AWAT2: variants seen among roughly 807,000 people sequenced by gnomAD.
The protein encoded by AWAT2 is 11-cis-RE-synthase.
Under a neutral mutation model 22.3 loss-of-function variants are expected in AWAT2, and 9 were observed. That is an observed-to-expected ratio of 0.40 (90% CI 0.24 to 0.70). The LOEUF is 0.70. Among genes scored for constraint, AWAT2 ranks in the 30% least tolerant of loss-of-function variants. The pLI is 0.36. For missense variants in AWAT2, 217 were observed against 265.9 expected (o/e 0.82, Z 1.28); for synonymous variants, 100 against 93.4 (o/e 1.07, Z -0.40).
chrX:70,043,827 C>G, intron 3 of AWAT2, 99 bp downstream of exon 3: 1 of 1,024,554 alleles, frequency 9.8e-7, no homozygotes, highest in Non-Finnish European at 1.3e-6. Flanking sequence ...TCTCAAGAGG[C>G]TCAATGTGGA....
chrX:70,042,989 T>A (rs2020338987), intron 5 of AWAT2, 80 bp downstream of exon 5: 1 of 912,472 alleles, frequency 1.1e-6, no homozygotes, highest in South Asian at 2.7e-5. Flanking sequence ...GTGGATGTCC[T>A]TTCATCAAAA....
chrX:70,046,250 C>T (rs1023112657), intron 1 of AWAT2, among the ~76,000 whole-genome samples: 1 of 111,567 alleles, frequency 9.0e-6, no homozygotes, highest in Admixed American at 9.5e-5. Context: ...CAATTCATTT[C>T]AGTTTACGGT....
At chrX:70,046,251 A>G (rs1370930114) in intron 1 of AWAT2, among the ~76,000 whole-genome samples, 1 of 111,891 alleles carries the variant, frequency 8.9e-6, no homozygotes, top group Non-Finnish European at 1.9e-5. Flanking sequence ...AATTCATTTC[A>G]GTTTACGGTA....
In AWAT2 at chrX:70,043,452, G is replaced by T. The variant is rs1294448458; in HGVS notation, c.472+26C>A. The stretch of plus-strand genomic sequence containing the variant: ...CCCTTGGGGAGCCATTTTTTCTTTG[G>T]CTTTGTGTCCTAGGAGCCAACTTAC... On this transcript the variant is annotated intron_variant, in intron 4 of 7. Coordinates refer to ENST00000276101, the MANE Select transcript of AWAT2 (RefSeq NM_001002254.1). The T allele has an allele frequency of 5.1e-6, 6 of 1,180,468 alleles. No homozygotes were observed. The Admixed American group carries it at 9.2e-5, about 18-fold the overall frequency.
intron 1 of AWAT2, among the ~76,000 whole-genome samples, chrX:70,046,601 C>G (rs1421184014): frequency 9.0e-6 from 1 of 111,048 alleles, no homozygotes; most frequent in Admixed American, 9.6e-5. Flanking sequence ...GATGGGGTTT[C>G]ACCATGTTGG....
At chrX:70,043,421 A>T in intron 4 of AWAT2, 57 bp downstream of exon 4, 1 of 1,101,343 alleles carries the variant, frequency 9.1e-7, no homozygotes, top group African/African-American at 1.8e-5. Flanking sequence ...ATCCCCCTAC[A>T]ATTCTCCCTT....
At chrX:70,048,261 C>T (rs1043537445) in intron 1 of AWAT2, among the ~76,000 whole-genome samples, 1 of 111,339 alleles carries the variant, frequency 9.0e-6, no homozygotes, top group Non-Finnish European at 1.9e-5. Flanking sequence ...CATGGCTCCA[C>T]ATGGCTCTCA....
Position 70,042,401 on chromosome X carries a change from C to T in AWAT2, c.648-15G>A, listed in dbSNP as rs372751672. On this transcript the variant is annotated splice_polypyrimidine_tract_variant and intron_variant, in intron 5 of 7. Transcript: ENST00000276101. ...TTAGAGGCACCCTGCAGAGCAAAAG[C>T]ATATCTTCTGAAGCCCAGAAAGGTA... is the stretch of plus-strand genomic sequence containing the variant. 9.2e-5 allele frequency: 111 copies of T among 1,202,106 alleles called. No homozygotes were observed. The highest frequency in any genetic ancestry group is 1.2e-4 in the Non-Finnish European group (107 of 887,940).
chrX:70,042,664 G>A (rs1422103979), intron 5 of AWAT2: 1 of 425,210 alleles, frequency 2.4e-6, no homozygotes, highest in Non-Finnish European at 4.1e-6. Context: ...GGCCATGCCA[G>A]TTGATTTTCT....
Position 70,043,110 on chromosome X carries a change from C to T in AWAT2, c.606G>A (p.Leu202=), listed in dbSNP as rs757554620. 18 of 1,195,427 alleles carry T rather than the reference C, an allele frequency of 1.5e-5. No individual in the cohort carries two copies. In the East Asian group the frequency reaches 5.1e-4, roughly 34 times the overall value. The change falls in exon 5 of 8, where the codon TTG becomes TTA. Residue 202 remains leucine (L), a synonymous_variant. Coordinates refer to ENST00000276101, the MANE Select transcript of AWAT2 (RefSeq NM_001002254.1). ...YSLPGSSTLV[L]KNRSGFVRMA... ...TGCGCACAAAGCCAGACCGGTTCTT[C>T]AACACCAGGGTAGAAGAACCTGGCA... is the stretch of plus-strand genomic sequence containing the variant.
At position 70,042,246 on chromosome X, in the gene AWAT2, C is replaced by A; in HGVS notation, c.788G>T (p.Arg263Leu). Residue 263 changes from arginine (R) to leucine (L), a missense_variant, in exon 6 of 8, where the codon CGT (arginine) becomes CTT (leucine). Physicochemically the swap from Arg to Leu is moderately radical, Grantham distance 102. Coordinates refer to ENST00000276101, the MANE Select transcript of AWAT2 (RefSeq NM_001002254.1). The stretch of plus-strand genomic sequence containing the variant: ...GCCCCAGGAGTTCTTGGTGAAGCCA[C>A]GTCCATAGAAAGCACAAGGGTAGAT... ...VHIYPCAFYG[R>L]GFTKNSWGLL... 8.3e-7 allele frequency: 1 copy of A among 1,211,317 alleles called. No homozygotes were observed. Among genetic ancestry groups the A allele is most frequent in the Non-Finnish European group, 1.1e-6 (1 of 895,318 alleles).
At position 70,046,405 on chromosome X, in the gene AWAT2, CA is replaced by C. The variant is rs1403339324; in HGVS notation, c.86-1944del. On this transcript the variant is annotated intron_variant, in intron 1 of 7. Coordinates refer to ENST00000276101, the MANE Select transcript of AWAT2 (RefSeq NM_001002254.1). ...GTGTCTGTTTCAAGACCACTGTACT[CA>C]ATTTTTTTTTTTTTTTTGGACAGGG... 7.7e-3 allele frequency among the ~76,000 whole-genome samples: 381 copies of C among 49,277 alleles called. 1 individual carries two copies. Among genetic ancestry groups the C allele is most frequent in the Admixed American group, 0.018 (49 of 2,652 alleles). The allele number at this position is 49,277 out of a possible 115,157, so 42.8% of individuals were successfully genotyped here.
Position 70,042,178 on chromosome X carries a change from C to T in AWAT2, c.847+9G>A. The stretch of plus-strand genomic sequence containing the variant: ...TAGACTCAGGCTGCCAGCAGAAACG[C>T]CCACTCACCGATGGTGGTTACAGGC... On this transcript the variant is annotated intron_variant, in intron 6 of 7. Coordinates refer to ENST00000276101, the MANE Select transcript of AWAT2 (RefSeq NM_001002254.1). 8.3e-7 allele frequency: 1 copy of T among 1,198,998 alleles called. No individual in the cohort carries two copies.
intron 1 of AWAT2, among the ~76,000 whole-genome samples, chrX:70,047,484 A>G (rs969243538): frequency 2.7e-5 from 3 of 111,981 alleles, no homozygotes; most frequent in Admixed American, 1.9e-4. Context: ...AAACCTAGGC[A>G]GTGCTGGGGA....
Position 70,045,787 on chromosome X carries a change from A to T in AWAT2, c.86-1325T>A, listed in dbSNP as rs183249967. ...AAACTACTGGAGAATGTGCTTCACC[A>T]AAATGAGGGAGTAAACCAAGAAAGA... On this transcript the variant is annotated intron_variant, in intron 1 of 7. Coordinates refer to ENST00000276101, the MANE Select transcript of AWAT2 (RefSeq NM_001002254.1). 2.7e-5 allele frequency among the ~76,000 whole-genome samples: 3 copies of T among 111,645 alleles called. No homozygotes were observed. In the East Asian group the frequency reaches 8.4e-4, roughly 31 times the overall value.
At chrX:70,046,321 G>A (rs1435615203) in intron 1 of AWAT2, among the ~76,000 whole-genome samples, 2 of 111,387 alleles carry the variant, frequency 1.8e-5, no homozygotes, top group East Asian at 2.8e-4. Flanking sequence ...ATACTTTGTG[G>A]TAAGAAACCC....
rs1356237972 is a variant in AWAT2, at chrX:70,042,325, T to C, written c.709A>G (p.Thr237Ala). 8.3e-7 allele frequency: 1 copy of C among 1,210,708 alleles called. No homozygotes were observed. Among genetic ancestry groups the C allele is most frequent in the African/African-American group, 1.7e-5 (1 of 57,438 alleles). The stretch of plus-strand genomic sequence containing the variant: ...AAGCGGTTGACAAAGCCACCAGGAG[T>C]GAAAATGTGCTGATCATAGAGGTCC... ...ETDLYDQHIF[T>A]PGGFVNRFQK... The change falls in exon 6 of 8, where the codon ACT becomes GCT. Residue 237 changes from threonine to alanine, a missense_variant. Physicochemically the swap from Thr to Ala is moderately conservative, Grantham distance 58 (BLOSUM62 0). Transcript: ENST00000276101.
chrX:70,046,701 G>A (rs911770747), intron 1 of AWAT2, among the ~76,000 whole-genome samples: 1 of 111,413 alleles, frequency 9.0e-6, no homozygotes, highest in Non-Finnish European at 1.9e-5. Context: ...CGCCGCCACC[G>A]ACCTGTACTC....
At chrX:70,042,876 C>CTTTTT (rs750632311) in intron 5 of AWAT2, 193 bp downstream of exon 5, 2 of 367,153 alleles carry the variant, frequency 5.4e-6, no homozygotes, top group African/African-American at 2.7e-5. Context: ...CCTCCTCCCT[C>CTTTTT]TTTTTTTTTT....
Sources: allele counts gnomAD v4.1 joint callset (sites outside exome capture counted in the v4.1 genomes callset), GRCh38; gene constraint gnomAD v4.1.1; transcripts MANE v1.5; gene names NCBI Gene and HGNC (gene_info 2026-07-23, HGNC 2026-07-21).